Variants in CLIP2 observed in about 807,000 individuals in gnomAD.
CLIP2 encodes CAP-Gly domain-containing linker protein 2.
A neutral mutation model predicts 111.7 loss-of-function variants in CLIP2; 41 were observed. The ratio of observed to expected loss-of-function variants is 0.37; its 90% CI spans 0.29 to 0.48. The LOEUF is 0.48. Ranked by LOEUF, CLIP2 falls within the 20% of genes least tolerant of loss-of-function variation. The pLI, the probability that CLIP2 is intolerant of heterozygous loss-of-function variation, is 0.99. For synonymous variants in CLIP2, 660 were observed against 644.2 expected (o/e 1.02, Z -0.37); for missense variants, 1,160 against 1,422.1 (o/e 0.82, Z 2.96).
chr7:74,372,401 T>G (rs1229551182), intron 8 of CLIP2, among the ~76,000 whole-genome samples: 16 of 13,418 alleles, frequency 1.2e-3, no homozygotes, highest in Admixed American at 1.9e-3. Context: ...AGCACAGGCC[T>G]TGGGGGGGGG....
chr7:74,381,024 T>C, intron 11 of CLIP2, 161 bp downstream of exon 11: 1 of 632,120 alleles, frequency 1.6e-6, no homozygotes, highest in Non-Finnish European at 2.9e-6. Context: ...AGGAGGCCAG[T>C]TTACGGAGGG....
chr7:74,362,629 G>C (rs1332567300), intron 7 of CLIP2, among the ~76,000 whole-genome samples: 1 of 145,048 alleles, frequency 6.9e-6, no homozygotes, highest in Non-Finnish European at 1.5e-5. Context: ...TCCACCTCCA[G>C]GTTCAAGCAA....
rs551753520 is a variant in CLIP2, at chr7:74,306,450, G to A, written c.-67-11030G>A. On this transcript the variant is annotated intron_variant, in intron 1 of 16. Coordinates refer to ENST00000223398, the MANE Select transcript of CLIP2 (RefSeq NM_003388.5). ...AGCCACGTCCGGGGTCTCTGCAGGC[G>A]TGCCCGCTTCCTGGCTCCTGCCTCC... Among the ~76,000 whole-genome samples the A allele has an allele frequency of 1.7e-4, 26 of 152,140 alleles. 1 individual carries two copies. The highest frequency in any genetic ancestry group is 9.8e-4 in the Admixed American group (15 of 15,276).
intron 3 of CLIP2, among the ~76,000 whole-genome samples, chr7:74,352,756 C>T (rs552739305): frequency 7.3e-5 from 11 of 150,344 alleles, no homozygotes; most frequent in Non-Finnish European, 1.2e-4. Flanking sequence ...ACCTATAAAT[C>T]CCAGCCCTTT....
At chr7:74,388,955 C>T in intron 12 of CLIP2, 148 bp from the exon 13 acceptor site, 1 of 948,266 alleles carries the variant, frequency 1.1e-6, no homozygotes, top group Non-Finnish European at 1.6e-6. Context: ...GACCCAATCT[C>T]TAAAAAAACC....
At chr7:74,339,135 C>A in intron 3 of CLIP2, 131 bp downstream of exon 3, 1 of 749,502 alleles carries the variant, frequency 1.3e-6, no homozygotes, top group Non-Finnish European at 2.1e-6. Context: ...AGGGTCCAGC[C>A]TGGGACACCC....
At chr7:74,300,835 C>T (rs1381411117) in intron 1 of CLIP2, among the ~76,000 whole-genome samples, 2 of 152,156 alleles carry the variant, frequency 1.3e-5, no homozygotes, top group East Asian at 1.9e-4. Context: ...CCTCCCTTGA[C>T]GGACACATAT....
chr7:74,337,918 G>GT (rs1286037809), intron 2 of CLIP2, among the ~76,000 whole-genome samples: 4 of 152,142 alleles, frequency 2.6e-5, no homozygotes, highest in Non-Finnish European at 5.9e-5. Flanking sequence ...TTCTGAGGGC[G>GT]TACTTTCCTG....
At chr7:74,355,129 T>C (rs571514) in intron 4 of CLIP2, among the ~76,000 whole-genome samples, 128,462 of 152,198 alleles carry the variant, frequency 0.84, 54,499 homozygotes, top group African/African-American at 0.93. Flanking sequence ...TGTGACTGCT[T>C]TGAGCAGGAG....
intron 2 of CLIP2, among the ~76,000 whole-genome samples, chr7:74,326,673 T>G (rs1789118337): frequency 6.6e-6 from 1 of 151,698 alleles, no homozygotes; most frequent in Non-Finnish European, 1.5e-5. Flanking sequence ...ATCTCTCTCT[T>G]TCACCCCGGC....
At chr7:74,360,405 C>G (rs1790295524) in intron 7 of CLIP2, 127 bp downstream of exon 7, 4 of 647,148 alleles carry the variant, frequency 6.2e-6, no homozygotes. Flanking sequence ...CTGTGTCACC[C>G]TGGACTGGTG....
intron 3 of CLIP2, among the ~76,000 whole-genome samples, chr7:74,341,164 G>A (rs1789650811): frequency 1.3e-5 from 2 of 152,080 alleles, no homozygotes; most frequent in Non-Finnish European, 2.9e-5. Flanking sequence ...GGGAAACTGA[G>A]GCTCAGGGAA....
chr7:74,389,750 T>G (rs1791221513), intron 13 of CLIP2, among the ~76,000 whole-genome samples: 1 of 151,228 alleles, frequency 6.6e-6, no homozygotes, highest in African/African-American at 2.4e-5. Flanking sequence ...AATACAGAAA[T>G]TAGCTGGGTG....
intron 2 of CLIP2, among the ~76,000 whole-genome samples, chr7:74,337,624 C>CT (rs781899130): frequency 4.0e-5 from 6 of 150,636 alleles, no homozygotes; most frequent in Non-Finnish European, 8.9e-5. Context: ...AAAATGAAGT[C>CT]TTTCTCTTTC....
chr7:74,296,802 AAAAG>A (rs1158633175), intron 1 of CLIP2, among the ~76,000 whole-genome samples: 4 of 151,506 alleles, frequency 2.6e-5, no homozygotes, highest in Non-Finnish European at 5.9e-5. Context: ...AAAAAAAAAA[AAAAG>A]AGAAAAGAAA....
chr7:74,401,686 A>G (rs1791625507), intron 16 of CLIP2, 119 bp downstream of exon 16: 2 of 997,446 alleles, frequency 2.0e-6, no homozygotes, highest in Non-Finnish European at 1.5e-6. Context: ...GCTTTACAGT[A>G]GGGTCCCTCA....
Position 74,372,997 on chromosome 7 carries a change from G to A in CLIP2, c.1446G>A (p.Ala482=), listed in dbSNP as rs137993993. Residue 482 remains alanine, a synonymous_variant, in exon 9 of 17, where the codon GCG becomes GCA. Coordinates refer to ENST00000223398, the MANE Select transcript of CLIP2 (RefSeq NM_003388.5). ...ELEQSLLLEK[A]QAERLLRELA... ...AACAGAGCCTGCTACTGGAGAAGGCGCAGGCCGAGCGGCTGCTCCGAGAAT... is the reference window on the plus strand; with the variant it reads ...AACAGAGCCTGCTACTGGAGAAGGCACAGGCCGAGCGGCTGCTCCGAGAAT... The A allele has an allele frequency of 9.4e-5, 150 of 1,597,632 alleles. No homozygotes were observed. The highest frequency in any genetic ancestry group is 2.0e-4 in the African/African-American group (15 of 74,708).
At chr7:74,381,498 T>TAAA (rs534225902) in intron 11 of CLIP2, 47 of 418,382 alleles carry the variant, frequency 1.1e-4, no homozygotes, top group African/African-American at 9.2e-4. Flanking sequence ...GTTTAAACTT[T>TAAA]AAAAACAGGT....
At chr7:74,327,783 G>A (rs1472490993) in intron 2 of CLIP2, among the ~76,000 whole-genome samples, 4 of 152,290 alleles carry the variant, frequency 2.6e-5, no homozygotes, top group Admixed American at 6.5e-5. Flanking sequence ...GATCTGACGG[G>A]GCGGGGGTCC....
Sources: allele counts gnomAD v4.1 joint callset (sites outside exome capture counted in the v4.1 genomes callset), GRCh38; gene constraint gnomAD v4.1.1; transcripts MANE v1.5; gene names NCBI Gene and HGNC (gene_info 2026-07-23, HGNC 2026-07-21).